ZNF215: variants seen among roughly 807,000 people sequenced by gnomAD.
ZNF215 encodes the protein zinc finger protein 215.
Under a neutral mutation model 27.2 loss-of-function variants are expected in ZNF215, and 24 were observed. The observed-to-expected ratio is 0.88, with a 90% CI of 0.64 to 1.24. ZNF215 has a LOEUF of 1.24. ZNF215 is among the 50% of genes most tolerant of loss of function. The pLI, the probability that ZNF215 is intolerant of heterozygous loss-of-function variation, is 0.00. For synonymous variants in ZNF215, 210 were observed against 204.0 expected (o/e 1.03, Z -0.25); for missense variants, 675 against 605.7 (o/e 1.11, Z -1.20).
chr11:6,945,923 A>C (rs1366687693), intron 6 of ZNF215, among the ~76,000 whole-genome samples: 1 of 152,160 alleles, frequency 6.6e-6, no homozygotes, highest in East Asian at 1.9e-4. Context: ...TTTCTCTGGG[A>C]TATCTTAAAG....
At chr11:6,947,120 T>G (rs1286254829) in intron 6 of ZNF215, among the ~76,000 whole-genome samples, 1 of 152,208 alleles carries the variant, frequency 6.6e-6, no homozygotes, top group Non-Finnish European at 1.5e-5. Flanking sequence ...TATCTGTTCA[T>G]TTTACACATG....
chr11:6,943,997 T>G (rs114709650), intron 6 of ZNF215, among the ~76,000 whole-genome samples: 1 of 152,096 alleles, frequency 6.6e-6, no homozygotes, highest in African/African-American at 2.4e-5. Context: ...ATGGTATGGC[T>G]GGGCGTGGTG....
intron 6 of ZNF215, among the ~76,000 whole-genome samples, chr11:6,952,686 C>T (rs908230485): frequency 1.3e-5 from 2 of 152,104 alleles, no homozygotes; most frequent in African/African-American, 4.8e-5. Flanking sequence ...GACTCTTTAT[C>T]CAATTTGCCA....
Position 6,932,263 on chromosome 11 carries a change from A to G in ZNF215, c.-10A>G, listed in dbSNP as rs765020443. The G allele has an allele frequency of 1.2e-6, 2 of 1,611,256 alleles. No individual in the cohort carries two copies. Among genetic ancestry groups the G allele is most frequent in the Non-Finnish European group, 1.7e-6 (2 of 1,178,678 alleles). On this transcript the variant is annotated 5_prime_UTR_variant, in exon 3 of 7. Transcript: ENST00000278319. Reference sequence around the variant, plus strand: ...GGATTTGAACTACTGTGGGAGTTCTATTTAGGAAGATGCAGCCTCTGAGCA... The same window carrying G: ...GGATTTGAACTACTGTGGGAGTTCTGTTTAGGAAGATGCAGCCTCTGAGCA...
At chr11:6,948,543 A>G (rs1329364903) in intron 6 of ZNF215, among the ~76,000 whole-genome samples, 1 of 152,152 alleles carries the variant, frequency 6.6e-6, no homozygotes, top group Non-Finnish European at 1.5e-5. Flanking sequence ...TTTTTTCAAT[A>G]TGGAAGATGA....
At chr11:6,963,248 C>A (rs919099183) in intron 5 of ZNF215, among the ~76,000 whole-genome samples, 5 of 151,936 alleles carry the variant, frequency 3.3e-5, no homozygotes, top group Non-Finnish European at 5.9e-5. Context: ...CCTCATGACC[C>A]CTGATTAGGC....
chr11:6,989,978 C>T (rs1851099833), downstream of ZNF215, among the ~76,000 whole-genome samples: 1 of 152,132 alleles, frequency 6.6e-6, no homozygotes, highest in Non-Finnish European at 1.5e-5. Context: ...TGAGCTCTGG[C>T]ATCACCTACA....
At chr11:6,970,905 G>C (rs1564973647) in intron 5 of ZNF215, among the ~76,000 whole-genome samples, 1 of 152,118 alleles carries the variant, frequency 6.6e-6, no homozygotes, top group Non-Finnish European at 1.5e-5. Flanking sequence ...GAAGCTTTCA[G>C]ATCTGCCCCA....
At chr11:6,930,576 G>A (rs890467289) in intron 2 of ZNF215, among the ~76,000 whole-genome samples, 1 of 152,160 alleles carries the variant, frequency 6.6e-6, no homozygotes, top group African/African-American at 2.4e-5. Flanking sequence ...TCTGTGCGCT[G>A]ATACTTATTT....
chr11:6,952,757 G>A (rs1306049619), intron 6 of ZNF215, among the ~76,000 whole-genome samples: 1 of 152,136 alleles, frequency 6.6e-6, no homozygotes, highest in South Asian at 2.1e-4. Flanking sequence ...ATTGTTATGT[G>A]TGAGTTTGAT....
intron 5 of ZNF215, among the ~76,000 whole-genome samples, chr11:6,980,187 G>T (rs577106443): frequency 3.4e-4 from 52 of 152,052 alleles, no homozygotes; most frequent in Non-Finnish European, 6.5e-4. Context: ...AATTACTGCA[G>T]TCATTGGAAG....
chr11:6,932,760 G>T lies in ZNF215; in HGVS notation c.400+88G>T, dbSNP rs553498902. The T allele has an allele frequency of 1.2e-5, 15 of 1,302,724 alleles. No individual in the cohort carries two copies. In the African/African-American group the frequency reaches 1.9e-4, roughly 17 times the overall value. The allele number at this position is 1,302,724 out of a possible 1,614,324, so 80.7% of individuals were successfully genotyped here. A position where few individuals can be genotyped will look rare whatever the true frequency, so the allele number is the denominator to read the frequency against. The stretch of plus-strand genomic sequence containing the variant: ...TTTTTTTGAGGCCAGAGAGTATCAA[G>T]TGCCAGATCTTGAAGGACTTTATAT... On this transcript the variant is annotated intron_variant, in intron 3 of 6. Transcript: ENST00000278319.
intron 5 of ZNF215, among the ~76,000 whole-genome samples, chr11:6,975,358 C>T (rs1326621431): frequency 6.6e-6 from 1 of 151,928 alleles, no homozygotes; most frequent in African/African-American, 2.4e-5. Flanking sequence ...GGTATCCATC[C>T]CCTCAAGCAT....
intron 5 of ZNF215, among the ~76,000 whole-genome samples, chr11:6,976,706 T>A (rs1850841132): frequency 6.6e-6 from 1 of 152,046 alleles, no homozygotes; most frequent in South Asian, 2.1e-4. Flanking sequence ...TCTCCACTAG[T>A]CACCACTCTT....
At chr11:6,926,866 G>A (rs1849062827) in intron 1 of ZNF215, 181 bp downstream of exon 1, 1 of 152,084 alleles carries the variant, frequency 6.6e-6, no homozygotes, top group Non-Finnish European at 1.5e-5. Flanking sequence ...TCCAAGGTCT[G>A]TGCCGGAAAA....
intron 6 of ZNF215, among the ~76,000 whole-genome samples, chr11:6,948,379 T>TGTAC (rs1849902787): frequency 6.6e-6 from 1 of 152,188 alleles, no homozygotes; most frequent in South Asian, 2.1e-4. Context: ...ACACACCCAG[T>TGTAC]GTACACTGGT....
At position 6,926,484 on chromosome 11, in the gene ZNF215, T is replaced by A. The variant is rs902873746; in HGVS notation, c.-527T>A. The stretch of plus-strand genomic sequence containing the variant: ...CCTCACCGATCCGGGTCGCGGGGGC[T>A]CCTAGGGGGTTCCTTCCACAGCTGG... On this transcript the variant is annotated 5_prime_UTR_variant, in exon 1 of 7. Transcript: ENST00000278319. 6.6e-6 allele frequency: 1 copy of A among 152,412 alleles called. No individual in the cohort carries two copies. The highest frequency in any genetic ancestry group is 2.1e-4 in the South Asian group (1 of 4,824). The allele number at this position is 152,412 out of a possible 1,614,324, so 9.4% of individuals were successfully genotyped here.
intron 5 of ZNF215, among the ~76,000 whole-genome samples, chr11:6,982,048 C>T (rs1462305530): frequency 6.6e-6 from 1 of 151,982 alleles, no homozygotes; most frequent in Non-Finnish European, 1.5e-5. Context: ...AGCATGATGC[C>T]TCCAGCTTTG....
chr11:6,964,846 G>T (rs1008574467), intron 5 of ZNF215, among the ~76,000 whole-genome samples: 37 of 151,948 alleles, frequency 2.4e-4, no homozygotes, highest in African/African-American at 8.9e-4. Flanking sequence ...TTTTAACACT[G>T]TTTTACATAA....
Sources: allele counts gnomAD v4.1 joint callset (sites outside exome capture counted in the v4.1 genomes callset), GRCh38; gene constraint gnomAD v4.1.1; transcripts MANE v1.5; gene names NCBI Gene and HGNC (gene_info 2026-07-23, HGNC 2026-07-21).